The following COL6A2 variants were observed in gnomAD, a reference collection of about 807,000 sequenced individuals.
COL6A2 encodes the protein collagen type VI alpha 2 chain.
Under a neutral mutation model 124.9 loss-of-function variants are expected in COL6A2, and 90 were observed. The ratio of observed to expected loss-of-function variants is 0.72; its 90% CI spans 0.61 to 0.86. COL6A2 has a LOEUF of 0.86. COL6A2 is among the 40% of genes least tolerant of loss of function. The pLI is 0.00. For synonymous variants in COL6A2, 793 were observed against 618.2 expected (o/e 1.28, Z -4.19); for missense variants, 1,607 against 1,502.5 (o/e 1.07, Z -1.15).
rs1413896914 is a variant in COL6A2, at chr21:46,126,090, A to T, written c.2275A>T (p.Ile759Phe). The T allele has an allele frequency of 6.2e-7, 1 of 1,612,832 alleles. No individual in the cohort carries two copies. The highest frequency in any genetic ancestry group is 1.3e-5 in the African/African-American group (1 of 74,950). The change falls in exon 26 of 28, where the codon ATC (isoleucine) becomes TTC (phenylalanine). Residue 759 changes from isoleucine to phenylalanine, a missense_variant. By Grantham distance (21) the Ile-to-Phe change is conservative. Coordinates refer to ENST00000300527, the MANE Select transcript of COL6A2 (RefSeq NM_001849.4). ...DRDVTVTAIG[I>F]GDMFHEKHES... ...CGACGTCACAGTGACGGCCATCGGC[A>T]TCGGGGACATGTTCCACGAGAAGCA...
chr21:46,114,061 C>T lies in COL6A2; in HGVS notation c.789C>T (p.Tyr263=), dbSNP rs1477959811. Residue 263 remains tyrosine, a synonymous_variant, in exon 5 of 28, where the codon TAC becomes TAT. Transcript: ENST00000300527. ...CTGGGCCCTCTGGCCCCAAGGGCTA[C>T]CGTGGACAGAAGGTAAGATGCCCAG... The part of the protein sequence containing the change: ...EIPGPSGPKG[Y]RGQKGAKGNM... 6 of 1,613,382 alleles carry T rather than the reference C, an allele frequency of 3.7e-6. No homozygotes were observed. The highest frequency in any genetic ancestry group is 2.7e-5 in the African/African-American group (2 of 74,920).
In COL6A2 at chr21:46,119,087, G is replaced by A. The variant is rs762490709; in HGVS notation, c.1237G>A (p.Gly413Arg). The A allele has an allele frequency of 4.8e-5, 78 of 1,612,394 alleles. No individual in the cohort carries two copies. The highest frequency in any genetic ancestry group is 6.7e-5 in the African/African-American group (5 of 74,890). Residue 413 changes from glycine to arginine, a missense_variant, in exon 14 of 28, where the codon GGG becomes AGG. Transcript: ENST00000300527. ...TCCTGGTGTGAAAGGAGCCAAGGGC[G>A]GGCCTGGGCCCCGCGGACCCAAAGG... The part of the protein sequence containing the change: ...GSPGVKGAKG[G>R]PGPRGPKGEP...
chr21:46,129,570 T>G, intron 27 of COL6A2: 1 of 1,460,326 alleles, frequency 6.8e-7, no homozygotes, highest in Non-Finnish European at 9.0e-7. Context: ...AGGCTGGCTC[T>G]CAGTGGAGGC....
At chr21:46,098,804 C>T (rs2078255160) in intron 1 of COL6A2, 1 of 152,212 alleles carries the variant, frequency 6.6e-6, no homozygotes, top group Non-Finnish European at 1.5e-5. Flanking sequence ...GGAGGCGGCT[C>T]CCCAGGGCGG....
At chr21:46,120,825 CTGCAACCCAAGATAGGGG>C (rs1026176261) in intron 16 of COL6A2, among the ~76,000 whole-genome samples, 24 of 152,076 alleles carry the variant, frequency 1.6e-4, no homozygotes, top group Admixed American at 3.9e-4. Flanking sequence ...CAGGTGAGGG[CTGCAACCCAAGATAGGGG>C]TGCTTAGGCA....
Position 46,116,947 on chromosome 21 carries a change from A to ACACC in COL6A2, c.999+136_999+137insCCAC. 2 of 833,178 alleles carry ACACC rather than the reference A, an allele frequency of 2.4e-6. No homozygotes were observed. Among genetic ancestry groups the ACACC allele is most frequent in the Non-Finnish European group, 3.8e-6 (2 of 524,526 alleles). The allele number at this position is 833,178 out of a possible 1,614,324, so 51.6% of individuals were successfully genotyped here. On this transcript the variant is annotated intron_variant, in intron 10 of 27. Coordinates refer to ENST00000300527, the MANE Select transcript of COL6A2 (RefSeq NM_001849.4). This position sits in a 1 kb window ranked among gnomAD's most constrained non-coding sequence, Gnocchi z 4.6. ...CGCATACACACACACACACACACACACACACACACGAACTTCAGCTCCTGC... is the reference window on the plus strand; with the variant it reads ...CGCATACACACACACACACACACACACACCCACACACACGAACTTCAGCTCCTGC...
chr21:46,126,383 C>T lies in COL6A2; in HGVS notation c.2423-120C>T, dbSNP rs570571792. 1.2e-4 allele frequency: 189 copies of T among 1,529,242 alleles called. 1 individual carries two copies. In the South Asian group the frequency reaches 1.5e-3, roughly 12 times the overall value. 94.7% of individuals were successfully genotyped at this position (1,529,242 alleles called of 1,614,324 possible). ...TGGGTGGGAAGGGGTCGGGCCCTCTCGGGGCTGCAGGGCAGAGGCCAGCTG... is the reference window on the plus strand; with the variant it reads ...TGGGTGGGAAGGGGTCGGGCCCTCTTGGGGCTGCAGGGCAGAGGCCAGCTG... On this transcript the variant is annotated intron_variant, in intron 26 of 27. Coordinates refer to ENST00000300527, the MANE Select transcript of COL6A2 (RefSeq NM_001849.4).
chr21:46,110,526 C>G (rs1454977072), intron 1 of COL6A2, among the ~76,000 whole-genome samples: 1 of 152,190 alleles, frequency 6.6e-6, no homozygotes, highest in Non-Finnish European at 1.5e-5. Context: ...TCCCTGGGCC[C>G]CAGGCTGAGC....
Position 46,119,087 on chromosome 21 carries a change from G to T in COL6A2, c.1237G>T (p.Gly413Trp), listed in dbSNP as rs762490709. The T allele has an allele frequency of 6.2e-7, 1 of 1,612,512 alleles. No homozygotes were observed. The highest frequency in any genetic ancestry group is 2.2e-5 in the East Asian group (1 of 44,840). ...TCCTGGTGTGAAAGGAGCCAAGGGC[G>T]GGCCTGGGCCCCGCGGACCCAAAGG... ...GSPGVKGAKG[G>W]PGPRGPKGEP... is the part of the protein sequence containing the mutation. The change falls in exon 14 of 28, where the codon GGG becomes TGG. Residue 413 changes from glycine to tryptophan, a missense_variant. Physicochemically the swap from Gly to Trp is radical, Grantham distance 184 (BLOSUM62 -2). Around this residue, in one of 3 missense-constraint regions of COL6A2, gnomAD observed 1,223 missense variants for 1,052.2 expected, o/e 1.16. Transcript: ENST00000300527.
At chr21:46,121,727 G>A in intron 18 of COL6A2, 109 bp downstream of exon 18, 1 of 1,107,070 alleles carries the variant, frequency 9.0e-7, no homozygotes, top group Non-Finnish European at 1.3e-6. Flanking sequence ...CGTGCCTCAG[G>A]ACGGGCCTGT....
intron 27 of COL6A2, among the ~76,000 whole-genome samples, chr21:46,130,908 C>T (rs2078752044): frequency 6.6e-6 from 1 of 152,330 alleles, no homozygotes; most frequent in East Asian, 1.9e-4. Context: ...AGACGGCGTC[C>T]ATGTCTCAAG....
chr21:46,107,126 T>C (rs938637947), intron 1 of COL6A2, among the ~76,000 whole-genome samples: 3 of 152,178 alleles, frequency 2.0e-5, no homozygotes, highest in African/African-American at 7.2e-5. Flanking sequence ...ATTCCTTGGG[T>C]TTATGTTGTT....
At chr21:46,113,570 G>A in intron 4 of COL6A2, 1 of 218,484 alleles carries the variant, frequency 4.6e-6, no homozygotes, top group South Asian at 7.3e-5. Flanking sequence ...TACTTGGGAG[G>A]CTGAGGTGGG....
chr21:46,130,065 A>G lies in COL6A2; in HGVS notation c.2462-1889A>G, dbSNP rs140207249. ...CGTGCATGGTGACTCGTGGGCGCTC[A>G]CGGCCCACCTGGTGGCAGGTGAAGG... On this transcript the variant is annotated intron_variant, in intron 27 of 27. Transcript: ENST00000300527. Among the ~76,000 whole-genome samples, 354 of 152,254 alleles carry G rather than the reference A, an allele frequency of 2.3e-3. 1 individual carries two copies. Among genetic ancestry groups the G allele is most frequent in the African/African-American group, 8.1e-3 (337 of 41,550 alleles).
chr21:46,127,403 T>C (rs1321302186), intron 27 of COL6A2, among the ~76,000 whole-genome samples: 1 of 152,066 alleles, frequency 6.6e-6, no homozygotes, highest in Non-Finnish European at 1.5e-5. Flanking sequence ...GCCCTGAGGC[T>C]GCCCCAGGGG....
chr21:46,116,048 C>T lies in COL6A2; in HGVS notation c.895C>T (p.Pro299Ser), dbSNP rs1376082825. 1 of 1,591,016 alleles carries T rather than the reference C, an allele frequency of 6.3e-7. No individual in the cohort carries two copies. Among genetic ancestry groups the T allele is most frequent in the Non-Finnish European group, 8.5e-7 (1 of 1,169,596 alleles). The stretch of plus-strand genomic sequence containing the variant: ...CGAAGGCCCCATTGGATTCCCAGGA[C>T]CCAAGGTGAGTGACCTCGGCCAGGG... The part of the protein sequence containing the change: ...GIEGPIGFPG[P>S]KGVPGFKGEK... Residue 299 changes from proline to serine, a missense_variant, in exon 7 of 28, where the codon CCC becomes TCC. By Grantham distance (74) the Pro-to-Ser change is moderately conservative. Coordinates refer to ENST00000300527, the MANE Select transcript of COL6A2 (RefSeq NM_001849.4). This position sits in a 1 kb window ranked among gnomAD's most constrained non-coding sequence, Gnocchi z 4.6.
At position 46,117,900 on chromosome 21, in the gene COL6A2, A is replaced by G. The variant is rs1411988689; in HGVS notation, c.1080A>G (p.Ala360=). Residue 360 remains alanine, a synonymous_variant, in exon 12 of 28, where the codon GCA becomes GCG. Coordinates refer to ENST00000300527, the MANE Select transcript of COL6A2 (RefSeq NM_001849.4). ...NRGPDGYPGE[A]GSPGERGDQG... is the part of the protein sequence containing the mutation. The stretch of plus-strand genomic sequence containing the variant: ...GCCCCGACGGTTACCCGGGGGAAGC[A>G]GGGAGTCCAGGGGAGCGAGGAGACC... 1.9e-6 allele frequency: 3 copies of G among 1,612,844 alleles called. No individual in the cohort carries two copies. The highest frequency in any genetic ancestry group is 8.5e-7 in the Non-Finnish European group (1 of 1,179,834).
intron 11 of COL6A2, 101 bp downstream of exon 11, chr21:46,117,554 C>T (rs2078491668): frequency 8.2e-7 from 1 of 1,226,788 alleles, no homozygotes; most frequent in Non-Finnish European, 1.2e-6. Flanking sequence ...CGTGGGTTCT[C>T]CCGGCAGCCC....
In COL6A2 at chr21:46,132,777, T is replaced by C; in HGVS notation, c.*225T>C. On this transcript the variant is annotated 3_prime_UTR_variant, in exon 28 of 28. Coordinates refer to ENST00000300527, the MANE Select transcript of COL6A2 (RefSeq NM_001849.4). ...CCCGGCCTCCCTCCCCCTGCAGCCA[T>C]CCCAAGGCTCCTGACCTACCTGGCC... 1.7e-6 allele frequency: 1 copy of C among 582,400 alleles called. No individual in the cohort carries two copies. Among genetic ancestry groups the C allele is most frequent in the Non-Finnish European group, 3.0e-6 (1 of 328,144 alleles). The allele number at this position is 582,400 out of a possible 1,614,324, so 36.1% of individuals were successfully genotyped here. A position where few individuals can be genotyped will look rare whatever the true frequency, so the allele number is the denominator to read the frequency against.
Sources: gnomAD v4.1 joint callset for allele counts (sites outside exome capture counted in the v4.1 genomes callset) on GRCh38, gnomAD v4.1.1 for gene constraint, gnomAD v4.1.1 regional missense constraint, Gnocchi (gnomAD v3.1) non-coding constraint, MANE v1.5 for transcripts, NCBI Gene and HGNC (gene_info 2026-07-23, HGNC 2026-07-21) for gene names.